The following TTC21B variants were observed in gnomAD, a reference collection of about 807,000 sequenced individuals.
TTC21B encodes tetratricopeptide repeat protein 21B.
In TTC21B, 127 loss-of-function variants were observed where a neutral mutation model predicts 175.1. That is an observed-to-expected ratio of 0.73 (90% CI 0.63 to 0.84). The LOEUF is 0.84. Among genes scored for constraint, TTC21B ranks in the 40% least tolerant of loss-of-function variants. The pLI is 0.00. For synonymous variants in TTC21B, 524 were observed against 524.5 expected, an observed-to-expected ratio of 1.00 and a Z score of 0.01; for missense variants, 1,561 against 1,558.3, an observed-to-expected ratio of 1.00 and a Z score of -0.03.
chr2:165,908,744 C>A (rs948656224), intron 18 of TTC21B, among the ~76,000 whole-genome samples: 1 of 152,028 alleles, frequency 6.6e-6, no homozygotes, highest in African/African-American at 2.4e-5. Context: ...TAAATGAAAG[C>A]ATTTATGTTA....
At chr2:165,922,926 G>A (rs1431032284) in intron 12 of TTC21B, among the ~76,000 whole-genome samples, 3 of 152,116 alleles carry the variant, frequency 2.0e-5, no homozygotes, top group African/African-American at 7.2e-5. Context: ...ATGAAATAAC[G>A]TGTTTTATAG....
chr2:165,883,332 G>T (rs1684895564), intron 26 of TTC21B, among the ~76,000 whole-genome samples: 1 of 152,010 alleles, frequency 6.6e-6, no homozygotes, highest in South Asian at 2.1e-4. Flanking sequence ...TTAAACAAAT[G>T]AAATTAAAAG....
intron 11 of TTC21B, among the ~76,000 whole-genome samples, chr2:165,927,338 AAT>A (rs1454808794): frequency 1.7e-4 from 12 of 68,674 alleles, no homozygotes; most frequent in South Asian, 4.3e-4. Flanking sequence ...TATAATATAT[AAT>A]ATATATATAA....
At chr2:165,877,341 T>C (rs979182610) in intron 27 of TTC21B, among the ~76,000 whole-genome samples, 4 of 152,196 alleles carry the variant, frequency 2.6e-5, no homozygotes, top group Admixed American at 6.5e-5. Context: ...ATAGAAATGA[T>C]CTAAAATTCA....
rs552936449 is a variant in TTC21B, at chr2:165,927,349, A to G, written c.1386+1786T>C. Among the ~76,000 whole-genome samples, 65 of 85,542 alleles carry G rather than the reference A, an allele frequency of 7.6e-4. 4 individuals carry two copies. Among genetic ancestry groups the G allele is most frequent in the Admixed American group, 2.6e-3 (17 of 6,422 alleles). The allele number at this position is 85,542 out of a possible 152,430, so 56.1% of individuals were successfully genotyped here. A position where few individuals can be genotyped will look rare whatever the true frequency, so the allele number is the denominator to read the frequency against. ...TATATATAATATATAATATATATATAATATATTTTATATATATATATATAT... is the reference window on the plus strand; with the variant it reads ...TATATATAATATATAATATATATATGATATATTTTATATATATATATATAT... On this transcript the variant is annotated intron_variant, in intron 11 of 28. Transcript: ENST00000243344.
intron 6 of TTC21B, among the ~76,000 whole-genome samples, chr2:165,940,720 C>G (rs1450035638): frequency 6.6e-6 from 1 of 152,118 alleles, no homozygotes; most frequent in Non-Finnish European, 1.5e-5. Context: ...TTCTAACATA[C>G]TACACAATAT....
In TTC21B at chr2:165,932,936, T is replaced by C. The variant is rs774623423; in HGVS notation, c.795+37A>G. ...GTGTATGTGTAATGAAATATATTTT[T>C]TAATATAGGAAACTTAAATAATACA... On this transcript the variant is annotated intron_variant, in intron 7 of 28. Transcript: ENST00000243344. The C allele has an allele frequency of 4.3e-5, 67 of 1,553,708 alleles. 1 individual carries two copies. In the South Asian group the frequency reaches 7.2e-4, roughly 17 times the overall value.
intron 6 of TTC21B, among the ~76,000 whole-genome samples, chr2:165,939,606 A>T (rs1419220034): frequency 6.6e-6 from 1 of 152,160 alleles, no homozygotes; most frequent in Non-Finnish European, 1.5e-5. Context: ...CACATAAATC[A>T]TATCTATGTG....
At chr2:165,881,301 TATCACACC>T (rs1484217303) in intron 26 of TTC21B, among the ~76,000 whole-genome samples, 2 of 152,176 alleles carry the variant, frequency 1.3e-5, no homozygotes, top group Non-Finnish European at 2.9e-5. Context: ...ACCACAATTT[TATCACACC>T]TAAAATGTTA....
Position 165,911,444 on chromosome 2 carries a change from C to A in TTC21B, c.2344G>T (p.Ala782Ser). 6.2e-7 allele frequency: 1 copy of A among 1,613,738 alleles called. No homozygotes were observed. Among genetic ancestry groups the A allele is most frequent in the Non-Finnish European group, 8.5e-7 (1 of 1,179,858 alleles). The change falls in exon 18 of 29, where the codon GCT becomes TCT. Residue 782 changes from alanine (A) to serine (S), a missense_variant. Transcript: ENST00000243344. ...TAATTCTTTTGTCCAGTTTTCAGAG[C>A]AGCTTCATAGTAAGTGATTGCCTAA... ...YSMAITYYEA[A>S]LKTGQKNYLC... is the part of the protein sequence containing the mutation.
At chr2:165,951,657 T>C (rs1044192279) in intron 1 of TTC21B, among the ~76,000 whole-genome samples, 3 of 152,190 alleles carry the variant, frequency 2.0e-5, no homozygotes, top group Non-Finnish European at 4.4e-5. Flanking sequence ...GGTTAGGTTA[T>C]TCAATCCAAA....
intron 22 of TTC21B, among the ~76,000 whole-genome samples, chr2:165,894,291 T>C (rs190818018): frequency 3.9e-5 from 6 of 152,292 alleles, no homozygotes; most frequent in African/African-American, 1.2e-4. Flanking sequence ...GAGCAGTAAT[T>C]AGATCTAGAA....
At chr2:165,930,791 T>C (rs1686878762) in intron 8 of TTC21B, among the ~76,000 whole-genome samples, 2 of 135,078 alleles carry the variant, frequency 1.5e-5, no homozygotes, top group Non-Finnish European at 3.4e-5. Flanking sequence ...CTTTTTCTTA[T>C]TGAATAAAAA....
intron 1 of TTC21B, among the ~76,000 whole-genome samples, chr2:165,952,560 T>C (rs1383828664): frequency 6.6e-6 from 1 of 152,222 alleles, no homozygotes; most frequent in African/African-American, 2.4e-5. Context: ...CAAGTCTAAG[T>C]AATGAGGAGG....
intron 4 of TTC21B, among the ~76,000 whole-genome samples, chr2:165,945,077 A>G (rs1687501653): frequency 6.6e-6 from 1 of 152,194 alleles, no homozygotes; most frequent in African/African-American, 2.4e-5. Context: ...TTTTCTCACA[A>G]TATTAGCTGG....
At chr2:165,896,926 G>C (rs1311204257) in intron 22 of TTC21B, among the ~76,000 whole-genome samples, 1 of 152,064 alleles carries the variant, frequency 6.6e-6, no homozygotes, top group Non-Finnish European at 1.5e-5. Context: ...ACGATGATTT[G>C]CTGGTTGGGA....
At chr2:165,902,887 C>T (rs565643798) in intron 19 of TTC21B, among the ~76,000 whole-genome samples, 1 of 152,202 alleles carries the variant, frequency 6.6e-6, no homozygotes, top group African/African-American at 2.4e-5. Flanking sequence ...TCTGACATCA[C>T]TTAGCCATTA....
At chr2:165,931,916 T>C (rs1489886476) in intron 7 of TTC21B, 60 bp from the exon 8 acceptor site, 7 of 1,102,176 alleles carry the variant, frequency 6.4e-6, no homozygotes, top group Non-Finnish European at 9.7e-6. Context: ...ACATAATACA[T>C]GCACATACAC....
chr2:165,898,417 A>G (rs1685443704), intron 22 of TTC21B, among the ~76,000 whole-genome samples: 1 of 152,154 alleles, frequency 6.6e-6, no homozygotes, highest in East Asian at 1.9e-4. Context: ...GAGACAGGAG[A>G]AAGTGGGAAA....
Sources: gnomAD v4.1 joint callset for allele counts (sites outside exome capture counted in the v4.1 genomes callset) on GRCh38, gnomAD v4.1.1 for gene constraint, MANE v1.5 for transcripts, NCBI Gene and HGNC (gene_info 2026-07-23, HGNC 2026-07-21) for gene names.